ERCC4: variants seen among roughly 807,000 people sequenced by gnomAD.
ERCC4 encodes DNA repair endonuclease XPF.
ERCC4 carries 65 observed loss-of-function variants against 76.9 expected under a neutral mutation model. The observed-to-expected ratio is 0.84, with a 90% CI of 0.69 to 1.04. The LOEUF (loss-of-function observed/expected upper bound fraction) is 1.04. Ranked by LOEUF, ERCC4 falls within the 50% of genes least tolerant of loss-of-function variation. The pLI is 0.00. For missense variants in ERCC4, 1,214 were observed against 1,128.2 expected (o/e 1.08, Z -1.09); for synonymous variants, 463 against 410.1 (o/e 1.13, Z -1.56).
At chr16:13,931,985 CA>C in intron 5 of ERCC4, 171 bp from the exon 6 acceptor site, 1 of 664,428 alleles carries the variant, frequency 1.5e-6, no homozygotes, top group Non-Finnish European at 2.7e-6. Context: ...GGACCACACC[CA>C]GAAAACCACT....
intron 7 of ERCC4, chr16:13,934,734 A>G (rs539402611): frequency 4.2e-6 from 1 of 238,246 alleles, no homozygotes; most frequent in South Asian, 6.4e-5. Flanking sequence ...TATTACTTCA[A>G]TATGTAATGA....
chr16:13,920,326 A>G lies in ERCC4; in HGVS notation c.161A>G (p.His54Arg). 1 of 1,599,276 alleles carries G rather than the reference A, an allele frequency of 6.3e-7. No homozygotes were observed. Among genetic ancestry groups the G allele is most frequent in the Non-Finnish European group, 8.5e-7 (1 of 1,178,836 alleles). Residue 54 changes from histidine to arginine, a missense_variant, in exon 1 of 11, where the codon CAC (histidine) becomes CGC (arginine). By Grantham distance (29) the His-to-Arg change is conservative. Transcript: ENST00000311895. ...TACCACTTTCTCCAGCTGCACTGCC[A>G]CCCAGCCTGCCTGGTGCTGGTGCTC... ...LLYHFLQLHC[H>R]PACLVLVLNT...
chr16:13,927,105 C>T (rs1173744608), intron 3 of ERCC4, among the ~76,000 whole-genome samples: 1 of 152,190 alleles, frequency 6.6e-6, no homozygotes, highest in Non-Finnish European at 1.5e-5. Context: ...TATTGGCTAA[C>T]ATTACCACTT....
At chr16:13,946,508 T>G (rs1376249360) in intron 10 of ERCC4, among the ~76,000 whole-genome samples, 1 of 152,228 alleles carries the variant, frequency 6.6e-6, no homozygotes, top group Non-Finnish European at 1.5e-5. Flanking sequence ...ATCACTGTCT[T>G]ATATGCACTT....
chr16:13,935,771 G>C (rs779655248), intron 8 of ERCC4, 28 bp downstream of exon 8: 1 of 1,493,558 alleles, frequency 6.7e-7, no homozygotes, highest in Non-Finnish European at 9.3e-7. Flanking sequence ...ACAGCTTTCA[G>C]TTGCACAGTT....
chr16:13,939,605 T>C (rs1458630695), intron 9 of ERCC4, among the ~76,000 whole-genome samples: 1 of 152,064 alleles, frequency 6.6e-6, no homozygotes, highest in East Asian at 1.9e-4. Flanking sequence ...AGAGGCCCTG[T>C]AAAGGATTTA....
rs2032588874 is a variant in ERCC4 at position 13,949,404 on chromosome 16, T to C, written c.*1057T>C. 1 of 232,830 alleles carries C rather than the reference T, an allele frequency of 4.3e-6. No homozygotes were observed. Among genetic ancestry groups the C allele is most frequent in the African/African-American group, 2.2e-5 (1 of 45,120 alleles). The allele number at this position is 232,830 out of a possible 1,614,324, so 14.4% of individuals were successfully genotyped here. On this transcript the variant is annotated 3_prime_UTR_variant, in exon 11 of 11. Transcript: ENST00000311895. ...GCGACAGAGTGAGACTTTGTCTCTA[T>C]TACAAAAAGAAAAGAAAAGAAATAC...
intron 2 of ERCC4, among the ~76,000 whole-genome samples, chr16:13,924,996 G>A (rs1376444060): frequency 6.6e-6 from 1 of 152,170 alleles, no homozygotes; most frequent in African/African-American, 2.4e-5. Context: ...AGTGTCTTGA[G>A]TTGGTGTGAC....
At chr16:13,926,162 C>T (rs1006165428) in intron 2 of ERCC4, among the ~76,000 whole-genome samples, 1 of 152,142 alleles carries the variant, frequency 6.6e-6, no homozygotes, top group Admixed American at 6.5e-5. Flanking sequence ...AGAAATTCTT[C>T]CTCTGACATG....
intron 7 of ERCC4, chr16:13,934,517 ATGT>A (rs1454528879): frequency 3.2e-5 from 17 of 525,456 alleles, no homozygotes; most frequent in Non-Finnish European, 5.8e-5. Flanking sequence ...TGTTCGTTTG[ATGT>A]TGTTTTCTCC....
In ERCC4 at chr16:13,920,237, G is replaced by T; in HGVS notation, c.72G>T (p.Leu24=). Residue 24 remains leucine, a synonymous_variant, in exon 1 of 11, where the codon CTG becomes CTT. Coordinates refer to ENST00000311895, the MANE Select transcript of ERCC4 (RefSeq NM_005236.3). ...TGGAGTACGAGCGACAGCTGGTGCT[G>T]GAACTGCTCGACACTGACGGGCTAG... The part of the protein sequence containing the change: ...PLLEYERQLV[L]ELLDTDGLVV... 1.9e-6 allele frequency: 3 copies of T among 1,607,898 alleles called. No individual in the cohort carries two copies. Among genetic ancestry groups the T allele is most frequent in the Non-Finnish European group, 1.7e-6 (2 of 1,179,948 alleles).
intron 2 of ERCC4, among the ~76,000 whole-genome samples, chr16:13,926,117 T>C (rs1467756750): frequency 6.6e-6 from 1 of 151,796 alleles, no homozygotes; most frequent in Non-Finnish European, 1.5e-5. Context: ...GATTCATACA[T>C]TAAAAAAAAA....
chr16:13,948,295 T>G lies in ERCC4; in HGVS notation c.2699T>G (p.Phe900Cys), dbSNP rs1350238264. ...GCAAATGCCAAACAGCTTTATGATT[T>G]CATTCACACCTCTTTTGCAGAAGTC... is the stretch of plus-strand genomic sequence containing the variant. The part of the protein sequence containing the change: ...NAANAKQLYD[F>C]IHTSFAEVVS... The change falls in exon 11 of 11, where the codon TTC becomes TGC. Residue 900 changes from phenylalanine to cysteine, a missense_variant. Transcript: ENST00000311895. 1 of 1,613,942 alleles carries G rather than the reference T, an allele frequency of 6.2e-7. No homozygotes were observed. Among genetic ancestry groups the G allele is most frequent in the East Asian group, 2.2e-5 (1 of 44,866 alleles).
intron 9 of ERCC4, among the ~76,000 whole-genome samples, chr16:13,942,176 G>C (rs1366181641): frequency 6.6e-6 from 1 of 152,238 alleles, no homozygotes; most frequent in African/African-American, 2.4e-5. Context: ...ATTGTTTTGT[G>C]TCTGTCACAT....
chr16:13,932,076 A>G, intron 5 of ERCC4, 81 bp from the exon 6 acceptor site: 2 of 1,182,780 alleles, frequency 1.7e-6, no homozygotes, highest in South Asian at 1.2e-5. Context: ...CCAGTTACGT[A>G]TGTAGGTCAT....
chr16:13,930,678 T>C, intron 4 of ERCC4, 32 bp from the exon 5 acceptor site: 4 of 1,517,060 alleles, frequency 2.6e-6, no homozygotes, highest in Non-Finnish European at 3.7e-6. Flanking sequence ...CTTAACATAT[T>C]TTAGCAATAC....
rs1407033481 is a variant in ERCC4, at chr16:13,950,966, G to A, written c.*2619G>A. ...TTCTTTGCTCTTGTATCTGCTGGAC[G>A]CTTGAAGACAGGTGCACTGTCTCGT... is the stretch of plus-strand genomic sequence containing the variant. On this transcript the variant is annotated 3_prime_UTR_variant, in exon 11 of 11. Transcript: ENST00000311895. 3 of 193,910 alleles carry A rather than the reference G, an allele frequency of 1.5e-5. No individual in the cohort carries two copies. The highest frequency in any genetic ancestry group is 3.2e-5 in the Non-Finnish European group (3 of 93,090). The allele number at this position is 193,910 out of a possible 1,614,324, so 12.0% of individuals were successfully genotyped here.
At chr16:13,929,136 AG>A (rs1460381225) in intron 4 of ERCC4, among the ~76,000 whole-genome samples, 1 of 152,188 alleles carries the variant, frequency 6.6e-6, no homozygotes, top group East Asian at 1.9e-4. Context: ...GTATATCCCT[AG>A]AAAAATAAAA....
At chr16:13,946,831 G>C (rs1046112144) in intron 10 of ERCC4, among the ~76,000 whole-genome samples, 1 of 152,100 alleles carries the variant, frequency 6.6e-6, no homozygotes, top group Non-Finnish European at 1.5e-5. Flanking sequence ...TGCAGTCTCG[G>C]CTAACTGCAA....
Sources: allele counts gnomAD v4.1 joint callset (sites outside exome capture counted in the v4.1 genomes callset), GRCh38; gene constraint gnomAD v4.1.1; transcripts MANE v1.5; gene names NCBI Gene and HGNC (gene_info 2026-07-23, HGNC 2026-07-21).